Variants in BEND4 observed in about 807,000 individuals in gnomAD.
BEND4 encodes BEN domain containing 4, also known as BEN domain-containing protein 4.
A neutral mutation model predicts 54.7 loss-of-function variants in BEND4; 27 were observed. The ratio of observed to expected loss-of-function variants is 0.49; its 90% CI spans 0.36 to 0.68. BEND4 has a LOEUF of 0.68. Among genes scored for constraint, BEND4 ranks in the 30% least tolerant of loss-of-function variants. The pLI, the probability that BEND4 is intolerant of heterozygous loss-of-function variation, is 0.00. For missense variants in BEND4, 702 were observed against 697.2 expected (o/e 1.01, Z -0.08); for synonymous variants, 327 against 299.5 (o/e 1.09, Z -0.95).
At chr4:42,135,357 T>C (rs1720662238) in intron 3 of BEND4, among the ~76,000 whole-genome samples, 2 of 152,228 alleles carry the variant, frequency 1.3e-5, no homozygotes, top group South Asian at 4.1e-4. Flanking sequence ...ACTTATGATT[T>C]CTGGAGCACT....
chr4:42,127,656 T>C (rs1720339051), intron 3 of BEND4, among the ~76,000 whole-genome samples: 1 of 152,242 alleles, frequency 6.6e-6, no homozygotes, highest in South Asian at 2.1e-4. Flanking sequence ...GAATCCCTTC[T>C]ACACAGTGCT....
chr4:42,135,842 A>T (rs1720679517), intron 3 of BEND4, among the ~76,000 whole-genome samples: 1 of 152,188 alleles, frequency 6.6e-6, no homozygotes, highest in South Asian at 2.1e-4. Flanking sequence ...CTTTAGAGAA[A>T]GGGAAACAGA....
intron 2 of BEND4, among the ~76,000 whole-genome samples, chr4:42,147,724 G>A (rs541207081): frequency 2.6e-5 from 4 of 152,122 alleles, no homozygotes; most frequent in Middle Eastern, 3.4e-3. Context: ...TGCCTTGTCC[G>A]ATTCCAAAAT....
At chr4:42,130,818 G>C (rs1388967611) in intron 3 of BEND4, among the ~76,000 whole-genome samples, 1 of 152,144 alleles carries the variant, frequency 6.6e-6, no homozygotes, top group African/African-American at 2.4e-5. Context: ...CAACCCAAAT[G>C]CTCATCAGTG....
In BEND4 at chr4:42,114,297, T is replaced by A. The variant is rs888538555; in HGVS notation, c.*3221A>T. 1.3e-5 allele frequency: 2 copies of A among 152,252 alleles called. No individual in the cohort carries two copies. Among genetic ancestry groups the A allele is most frequent in the African/African-American group, 4.8e-5 (2 of 41,458 alleles). 9.4% of individuals were successfully genotyped at this position (152,252 alleles called of 1,614,324 possible). On this transcript the variant is annotated 3_prime_UTR_variant, in exon 6 of 6. Coordinates refer to ENST00000502486, the MANE Select transcript of BEND4 (RefSeq NM_207406.4). The stretch of plus-strand genomic sequence containing the variant: ...AACTCACTGCGAAAAGCCGGCATGA[T>A]CTTTGTAACAAGATTTTAATTTGGA...
intron 5 of BEND4, 195 bp downstream of exon 5, chr4:42,119,859 G>A: frequency 1.6e-6 from 1 of 620,230 alleles, no homozygotes; most frequent in Non-Finnish European, 2.8e-6. Context: ...CACTAAGAGA[G>A]AACAACAACG....
intron 2 of BEND4, among the ~76,000 whole-genome samples, chr4:42,146,014 G>T (rs899639904): frequency 2.0e-5 from 3 of 152,158 alleles, no homozygotes; most frequent in Non-Finnish European, 4.4e-5. Flanking sequence ...GAGTCCACAG[G>T]ACTATTTTCT....
At chr4:42,134,553 AG>A (rs1720626402) in intron 3 of BEND4, among the ~76,000 whole-genome samples, 6 of 152,254 alleles carry the variant, frequency 3.9e-5, no homozygotes, top group Admixed American at 3.3e-4. Flanking sequence ...GCTAGGAAAG[AG>A]GGGACACAAA....
In BEND4 at chr4:42,143,881, C is replaced by T. The variant is rs370327170; in HGVS notation, c.601G>A (p.Val201Ile). 28 of 1,545,004 alleles carry T rather than the reference C, an allele frequency of 1.8e-5. No individual in the cohort carries two copies. Among genetic ancestry groups the T allele is most frequent in the South Asian group, 1.7e-4 (13 of 77,400 alleles). ...SNHSQSMISC[V>I]KQEGSSYNER... Reference sequence around the variant, plus strand: ...TTGTAACTTGAGCCTTCCTGCTTTACGCAAGAAATCATGGACTGAGAATGG... The same window carrying T: ...TTGTAACTTGAGCCTTCCTGCTTTATGCAAGAAATCATGGACTGAGAATGG... The change falls in exon 3 of 6, where the codon GTA (valine) becomes ATA (isoleucine). Residue 201 changes from valine (V) to isoleucine (I), a missense_variant. By Grantham distance (29) the Val-to-Ile change is conservative. Coordinates refer to ENST00000502486, the MANE Select transcript of BEND4 (RefSeq NM_207406.4).
intron 3 of BEND4, among the ~76,000 whole-genome samples, chr4:42,129,186 A>T (rs1720412745): frequency 6.6e-6 from 1 of 152,244 alleles, no homozygotes; most frequent in African/African-American, 2.4e-5. Flanking sequence ...TGCCACAAAG[A>T]GAATAAAATA....
intron 5 of BEND4, among the ~76,000 whole-genome samples, chr4:42,119,117 A>C (rs16854031): frequency 0.067 from 10,254 of 152,242 alleles, 852 homozygotes; most frequent in African/African-American, 0.2. Flanking sequence ...TCCTAGGCAC[A>C]TAATGTCCAG....
intron 5 of BEND4, among the ~76,000 whole-genome samples, chr4:42,118,569 A>G (rs139041443): frequency 3.0e-4 from 46 of 152,332 alleles, no homozygotes; most frequent in African/African-American, 9.4e-4. Context: ...GTGTTTCCAG[A>G]GCAGCAGCAC....
At chr4:42,131,076 G>C (rs1720491171) in intron 3 of BEND4, among the ~76,000 whole-genome samples, 1 of 152,180 alleles carries the variant, frequency 6.6e-6, no homozygotes, top group African/African-American at 2.4e-5. Flanking sequence ...GGGAGGGGGG[G>C]CAGTGGGTGA....
intron 2 of BEND4, among the ~76,000 whole-genome samples, chr4:42,146,953 G>T (rs778432614): frequency 1.3e-5 from 2 of 152,124 alleles, no homozygotes; most frequent in Non-Finnish European, 2.9e-5. Flanking sequence ...AGGGACAAGC[G>T]TGATTTGTTT....
chr4:42,130,372 C>CG (rs1193989993), intron 3 of BEND4, among the ~76,000 whole-genome samples: 6 of 149,380 alleles, frequency 4.0e-5, no homozygotes, highest in Non-Finnish European at 1.5e-5. Flanking sequence ...CCCAGCTACT[C>CG]GGGAGGCTGA....
At chr4:42,145,335 T>C (rs1481406616) in intron 2 of BEND4, among the ~76,000 whole-genome samples, 1 of 152,128 alleles carries the variant, frequency 6.6e-6, no homozygotes, top group Non-Finnish European at 1.5e-5. Context: ...TATCCTTTCA[T>C]GAAATAACTA....
At chr4:42,123,517 C>T (rs530317836) in intron 4 of BEND4, among the ~76,000 whole-genome samples, 1 of 151,862 alleles carries the variant, frequency 6.6e-6, no homozygotes, top group South Asian at 2.1e-4. Flanking sequence ...CTGAATTAGA[C>T]TGCTTTGTGC....
rs1719855727 is a variant in BEND4, at chr4:42,116,787, C to T, written c.*731G>A. On this transcript the variant is annotated 3_prime_UTR_variant, in exon 6 of 6. Coordinates refer to ENST00000502486, the MANE Select transcript of BEND4 (RefSeq NM_207406.4). Reference sequence around the variant, plus strand: ...CTATGGAAACTGCGGATTTATTAACCTACAAAACTGAGCATTTGAAAATGG... The same window carrying T: ...CTATGGAAACTGCGGATTTATTAACTTACAAAACTGAGCATTTGAAAATGG... 6.6e-6 allele frequency: 1 copy of T among 152,302 alleles called. No individual in the cohort carries two copies. The highest frequency in any genetic ancestry group is 1.9e-4 in the East Asian group (1 of 5,184). The allele number at this position is 152,302 out of a possible 1,614,324, so 9.4% of individuals were successfully genotyped here.
intron 4 of BEND4, among the ~76,000 whole-genome samples, chr4:42,123,784 T>C (rs1266232616): frequency 2.0e-5 from 3 of 148,034 alleles, no homozygotes; most frequent in African/African-American, 5.0e-5. Context: ...AGAGTCAACC[T>C]AGGAAAAGAG....
Sources: allele counts gnomAD v4.1 joint callset (sites outside exome capture counted in the v4.1 genomes callset), GRCh38; gene constraint gnomAD v4.1.1; transcripts MANE v1.5; gene names NCBI Gene and HGNC (gene_info 2026-07-23, HGNC 2026-07-21).